Variants in ANK3 observed in about 807,000 individuals in gnomAD.
ANK3 encodes ankyrin-3.
Under a neutral mutation model 370.9 loss-of-function variants are expected in ANK3, and 57 were observed. The ratio of observed to expected loss-of-function variants is 0.15; its 90% CI spans 0.12 to 0.19. The LOEUF (loss-of-function observed/expected upper bound fraction) is 0.19. ANK3 is among the 10% of genes least tolerant of loss of function. The pLI, the probability that ANK3 is intolerant of heterozygous loss-of-function variation, is 1.00. For synonymous variants in ANK3, 1,929 were observed against 1,946.3 expected, an observed-to-expected ratio of 0.99 and a Z score of 0.23; for missense variants, 4,439 against 5,302.1, an observed-to-expected ratio of 0.84 and a Z score of 5.06.
intron 29 of ANK3, among the ~76,000 whole-genome samples, chr10:60,087,131 G>T (rs940729277): frequency 6.6e-6 from 1 of 152,084 alleles, no homozygotes; most frequent in Non-Finnish European, 1.5e-5. Flanking sequence ...GCACTGGCTT[G>T]CAGGAAAGAG....
intron 2 of ANK3, among the ~76,000 whole-genome samples, chr10:60,602,621 T>A (rs562111688): frequency 1.3e-5 from 2 of 152,248 alleles, no homozygotes; most frequent in Admixed American, 1.3e-4. Context: ...TATGGACCCC[T>A]CCAAATGGGT....
At chr10:60,497,679 A>C in intron 2 of ANK3, among the ~76,000 whole-genome samples, 1 of 152,236 alleles carries the variant, frequency 6.6e-6, no homozygotes, top group Non-Finnish European at 1.5e-5. Context: ...GTATTTACAG[A>C]CTAAAAATGT....
chr10:60,377,503 T>C (rs1373312622), intron 1 of ANK3, among the ~76,000 whole-genome samples: 2 of 152,218 alleles, frequency 1.3e-5, no homozygotes, highest in Admixed American at 1.3e-4. Context: ...GTTAAAAACA[T>C]AAAGCTTCAG....
intron 1 of ANK3, among the ~76,000 whole-genome samples, chr10:60,370,254 A>C (rs975434496): frequency 3.9e-5 from 6 of 152,166 alleles, no homozygotes; most frequent in Non-Finnish European, 7.4e-5. Flanking sequence ...AGGAAAAACT[A>C]TTCTCATGTA....
At chr10:60,399,714 G>A (rs1198551451) in intron 2 of ANK3, among the ~76,000 whole-genome samples, 1 of 152,132 alleles carries the variant, frequency 6.6e-6, no homozygotes, top group Non-Finnish European at 1.5e-5. Flanking sequence ...CGTACACTTA[G>A]CCATCAGTAA....
chr10:60,506,701 A>G (rs1248901842), intron 2 of ANK3, among the ~76,000 whole-genome samples: 1 of 152,074 alleles, frequency 6.6e-6, no homozygotes, highest in Non-Finnish European at 1.5e-5. Flanking sequence ...CATAATGTTG[A>G]TTGAGATTTT....
chr10:60,324,211 A>G (rs1264845813), intron 1 of ANK3, among the ~76,000 whole-genome samples: 3 of 152,230 alleles, frequency 2.0e-5, no homozygotes, highest in Non-Finnish European at 4.4e-5. Flanking sequence ...GATGAATCTC[A>G]TGTACATGTC....
chr10:60,512,582 G>C (rs985098032), intron 2 of ANK3, among the ~76,000 whole-genome samples: 1 of 152,034 alleles, frequency 6.6e-6, no homozygotes, highest in Non-Finnish European at 1.5e-5. Context: ...TTTTGCTGCT[G>C]GTCCAGGATG....
chr10:60,617,863 C>A (rs1436180893), intron 1 of ANK3, among the ~76,000 whole-genome samples: 1 of 152,092 alleles, frequency 6.6e-6, no homozygotes, highest in African/African-American at 2.4e-5. Context: ...TTTTGCACAT[C>A]TTATTACATA....
At chr10:60,477,516 TACACAC>T (rs761752696) in intron 2 of ANK3, among the ~76,000 whole-genome samples, 4,298 of 122,682 alleles carry the variant, frequency 0.035, 90 homozygotes, top group South Asian at 0.12. Flanking sequence ...CAGACAGACA[TACACAC>T]ACACACACAC....
intron 28 of ANK3, among the ~76,000 whole-genome samples, chr10:60,090,125 G>A (rs189865058): frequency 1.5e-3 from 223 of 152,008 alleles, no homozygotes; most frequent in Non-Finnish European, 2.3e-3. Context: ...AAGACCAGCC[G>A]GGCCAACATG....
At chr10:60,618,952 G>GA (rs572953880) in intron 1 of ANK3, among the ~76,000 whole-genome samples, 1 of 151,532 alleles carries the variant, frequency 6.6e-6, no homozygotes, top group African/African-American at 2.4e-5. Context: ...CCAGAAATAA[G>GA]AAAAAAAATG....
At chr10:60,689,390 C>A (rs2079316916) in intron 1 of ANK3, among the ~76,000 whole-genome samples, 3 of 152,024 alleles carry the variant, frequency 2.0e-5, no homozygotes, top group Admixed American at 1.3e-4. Flanking sequence ...CAGAGTGAGA[C>A]CCTGTCTCAA....
intron 1 of ANK3, among the ~76,000 whole-genome samples, chr10:60,318,704 C>A (rs2047991992): frequency 6.6e-6 from 1 of 152,060 alleles, no homozygotes; most frequent in Non-Finnish European, 1.5e-5. Context: ...TCCAGAACAC[C>A]AAGAAGAAAA....
chr10:60,711,665 G>C lies in ANK3; in HGVS notation c.57+21598C>G, dbSNP rs143760445. On this transcript the variant is annotated intron_variant, in intron 1 of 43. Coordinates refer to the ANK3 transcript ENST00000373827. ...AAAGAACAAAAGAAATATTTGAAGA[G>C]ATAATGACCAAAATTTTTCAAAATT... Among the ~76,000 whole-genome samples, 1,439 of 152,158 alleles carry C rather than the reference G, an allele frequency of 9.5e-3. 26 individuals are homozygous for C. The highest frequency in any genetic ancestry group is 0.033 in the African/African-American group (1,367 of 41,538).
At chr10:60,264,483 T>C (rs763058610) in intron 5 of ANK3, among the ~76,000 whole-genome samples, 1 of 151,844 alleles carries the variant, frequency 6.6e-6, no homozygotes, top group Non-Finnish European at 1.5e-5. Context: ...CCGTCTCTAC[T>C]AAAAATACAA....
At chr10:60,162,193 T>A (rs185121821) in intron 23 of ANK3, among the ~76,000 whole-genome samples, 4 of 152,188 alleles carry the variant, frequency 2.6e-5, no homozygotes, top group Non-Finnish European at 5.9e-5. Context: ...CAAGTTGGAA[T>A]AGCAATGAAA....
At chr10:60,308,449 T>C (rs2045655052) in intron 1 of ANK3, among the ~76,000 whole-genome samples, 1 of 152,038 alleles carries the variant, frequency 6.6e-6, no homozygotes, top group Admixed American at 6.6e-5. Flanking sequence ...CTAATTTTTA[T>C]AATTTTAGTA....
intron 2 of ANK3, among the ~76,000 whole-genome samples, chr10:60,496,556 T>TA (rs2075661247): frequency 6.6e-6 from 1 of 151,976 alleles, no homozygotes; most frequent in South Asian, 2.1e-4. Context: ...TCTGCTCTTT[T>TA]TTTTTTTCCA....
Sources: allele counts gnomAD v4.1 joint callset (sites outside exome capture counted in the v4.1 genomes callset), GRCh38; gene constraint gnomAD v4.1.1; transcripts MANE v1.5; gene names NCBI Gene and HGNC (gene_info 2026-07-23, HGNC 2026-07-21).